The following PCDHGB5 variants were observed in gnomAD, a reference collection of about 807,000 sequenced individuals.
PCDHGB5 encodes the protein protocadherin gamma subfamily B, 5.
PCDHGB5 carries 48 observed loss-of-function variants against 62.9 expected under a neutral mutation model. The observed-to-expected ratio is 0.76, with a 90% CI of 0.61 to 0.97. PCDHGB5 has a LOEUF of 0.97. PCDHGB5 is among the 50% of genes least tolerant of loss of function. PCDHGB5 has a pLI of 0.00. For synonymous variants in PCDHGB5, 474 were observed against 511.2 expected (o/e 0.93, Z 0.98); for missense variants, 1,118 against 1,198.6 (o/e 0.93, Z 0.99).
At chr5:141,498,352 C>T (rs1439698389) in intron 2 of PCDHGB5, among the ~76,000 whole-genome samples, 1 of 151,772 alleles carries the variant, frequency 6.6e-6, no homozygotes, top group Non-Finnish European at 1.5e-5. Flanking sequence ...AAAGCCTATG[C>T]AAAAGCCTTG....
chr5:141,447,056 G>A (rs1452688256), intron 1 of PCDHGB5, among the ~76,000 whole-genome samples: 1 of 152,058 alleles, frequency 6.6e-6, no homozygotes, highest in Non-Finnish European at 1.5e-5. Flanking sequence ...CTATTAAAAT[G>A]TGTCAGGCTG....
chr5:141,460,277 A>C (rs2154566827), intron 1 of PCDHGB5, among the ~76,000 whole-genome samples: 1 of 152,124 alleles, frequency 6.6e-6, no homozygotes, highest in African/African-American at 2.4e-5. Context: ...TTTCTTTTAT[A>C]GTTTGTATTT....
chr5:141,427,628 G>A (rs1308356581), intron 1 of PCDHGB5: 2 of 700,966 alleles, frequency 2.9e-6, no homozygotes, highest in Admixed American at 2.0e-5. Flanking sequence ...ACAATGCTCC[G>A]GTTTTCCACC....
At chr5:141,423,089 G>A in intron 1 of PCDHGB5, 1 of 1,614,016 alleles carries the variant, frequency 6.2e-7, no homozygotes, top group Non-Finnish European at 8.5e-7. Flanking sequence ...TTCGCGGTGG[G>A]GGAGCACACG....
chr5:141,400,242 G>A lies in PCDHGB5; in HGVS notation c.2115G>A (p.Leu705=), dbSNP rs757952126. The change falls in exon 1 of 4, where the codon CTG becomes CTA. Residue 705 remains leucine (L), a synonymous_variant. Transcript: ENST00000617380. ...TGCTCTTCCTCCTGGCCGTGATTCT[G>A]GCCGTTGCCTTGCGCCTGCGACGCT... ...ISVLFLLAVI[L]AVALRLRRSS... The A allele has an allele frequency of 8.7e-6, 14 of 1,613,894 alleles. No individual in the cohort carries two copies. Among genetic ancestry groups the A allele is most frequent in the Middle Eastern group, 1.6e-4 (1 of 6,084 alleles).
intron 1 of PCDHGB5, among the ~76,000 whole-genome samples, chr5:141,464,286 A>AT (rs1453289283): frequency 6.6e-6 from 1 of 151,420 alleles, no homozygotes; most frequent in African/African-American, 2.4e-5. Flanking sequence ...AAGCAAAAAA[A>AT]AAAACTCCAT....
intron 1 of PCDHGB5, chr5:141,415,758 T>G (rs200061978): frequency 0.08 from 111,079 of 1,380,048 alleles, 1,979 homozygotes; most frequent in African/African-American, 0.17. Context: ...TTTTTTTTTT[T>G]TTTTTTTTTT....
At position 141,408,728 on chromosome 5, in the gene PCDHGB5, C is replaced by T. The variant is rs371316574; in HGVS notation, c.2397+8204C>T. ...TAAAGATTATAAGATAAACTCTAAT[C>T]CTTATTTTTCATTAATGGTTAGAGT... On this transcript the variant is annotated intron_variant, in intron 1 of 3. Transcript: ENST00000617380. 6.2e-7 allele frequency: 1 copy of T among 1,610,292 alleles called. No homozygotes were observed. Among genetic ancestry groups the T allele is most frequent in the African/African-American group, 1.3e-5 (1 of 74,802 alleles).
At chr5:141,444,125 C>A (rs1459174213) in intron 1 of PCDHGB5, among the ~76,000 whole-genome samples, 2 of 130,784 alleles carry the variant, frequency 1.5e-5, no homozygotes, top group African/African-American at 5.7e-5. Flanking sequence ...AGTATCTCAA[C>A]AGATATGTGT....
chr5:141,400,154 T>G lies in PCDHGB5; in HGVS notation c.2027T>G (p.Val676Gly). 1 of 1,614,076 alleles carries G rather than the reference T, an allele frequency of 6.2e-7. No homozygotes were observed. Among genetic ancestry groups the G allele is most frequent in the Non-Finnish European group, 8.5e-7 (1 of 1,179,894 alleles). The change falls in exon 1 of 4, where the codon GTA (valine) becomes GGA (glycine). Residue 676 changes from valine (V) to glycine (G), a missense_variant. Coordinates refer to ENST00000617380, the MANE Select transcript of PCDHGB5 (RefSeq NM_018925.3). ...EVLPDITDRPVPSDPQAELQF... is the reference protein window; with the variant it reads ...EVLPDITDRPGPSDPQAELQF... ...CTGCCGGATATCACTGACCGCCCTG[T>G]ACCCTCTGACCCCCAGGCTGAGCTG...
chr5:141,433,056 G>C, intron 1 of PCDHGB5: 10 of 1,614,204 alleles, frequency 6.2e-6, no homozygotes, highest in Non-Finnish European at 8.5e-6. Context: ...TCGCGGAAGA[G>C]TCACCTGATC....
intron 1 of PCDHGB5, chr5:141,403,457 A>G: frequency 6.2e-7 from 1 of 1,613,982 alleles, no homozygotes; most frequent in Non-Finnish European, 8.5e-7. Context: ...CTCCCTCCAG[A>G]GCTACCAGCT....
In PCDHGB5 at chr5:141,432,373, G is replaced by T; in HGVS notation, c.2397+31849G>T. ...TGAAAGTGATGGCGCGGGACAACGG[G>T]CACCCGCCCCTCAGCAGCAACGTGT... is the stretch of plus-strand genomic sequence containing the variant. On this transcript the variant is annotated intron_variant, in intron 1 of 3. Coordinates refer to ENST00000617380, the MANE Select transcript of PCDHGB5 (RefSeq NM_018925.3). This position sits in a 1 kb window ranked among gnomAD's most constrained non-coding sequence, Gnocchi z 6.0. The T allele has an allele frequency of 6.2e-7, 1 of 1,614,206 alleles. No homozygotes were observed. The highest frequency in any genetic ancestry group is 1.1e-5 in the South Asian group (1 of 91,082).
chr5:141,477,296 G>C lies in PCDHGB5; in HGVS notation c.2398-17511G>C. On this transcript the variant is annotated intron_variant, in intron 1 of 3. Transcript: ENST00000617380. This position sits in a 1 kb window ranked among gnomAD's most constrained non-coding sequence, Gnocchi z 4.9. ...GCTGGTGACCTGCGAAGTTCCACCG[G>C]GTCTCCCTTTCAGCCTTACTTCTTC... 3 of 1,614,064 alleles carry C rather than the reference G, an allele frequency of 1.9e-6. No individual in the cohort carries two copies. Among genetic ancestry groups the C allele is most frequent in the African/African-American group, 1.3e-5 (1 of 75,014 alleles).
At chr5:141,441,862 G>A (rs2098280399) in intron 1 of PCDHGB5, 3 of 342,456 alleles carry the variant, frequency 8.8e-6, no homozygotes, top group Non-Finnish European at 1.1e-5. Context: ...GCTGCACGCC[G>A]CGGAGCCTGG....
intron 1 of PCDHGB5, chr5:141,408,883 C>A: frequency 6.2e-7 from 1 of 1,613,462 alleles, no homozygotes; most frequent in Non-Finnish European, 8.5e-7. Flanking sequence ...CCACCGCTCA[C>A]ATAGAAATTT....
chr5:141,418,807 G>A (rs1400599346), intron 1 of PCDHGB5: 2 of 1,613,650 alleles, frequency 1.2e-6, no homozygotes, highest in African/African-American at 1.3e-5. Context: ...AAAGATATAC[G>A]ATAAACATAG....
chr5:141,484,883 G>GCC (rs1231530221), intron 1 of PCDHGB5: 2 of 352,506 alleles, frequency 5.7e-6, no homozygotes, highest in Admixed American at 9.0e-5. Flanking sequence ...GATAGGGTGG[G>GCC]CTTTTTCCCC....
chr5:141,433,401 A>ATCTATCTATCTATCTC (rs1444244130), intron 1 of PCDHGB5, among the ~76,000 whole-genome samples: 1 of 150,482 alleles, frequency 6.6e-6, no homozygotes, highest in African/African-American at 2.4e-5. Context: ...CTATCTATCT[A>ATCTATCTATCTATCTC]TCTATTACTT....
Sources: allele counts gnomAD v4.1 joint callset (sites outside exome capture counted in the v4.1 genomes callset), GRCh38; gene constraint gnomAD v4.1.1; non-coding constraint Gnocchi (gnomAD v3.1); transcripts MANE v1.5; gene names NCBI Gene and HGNC (gene_info 2026-07-23, HGNC 2026-07-21).